BBS9: variants seen among roughly 807,000 people sequenced by gnomAD.
BBS9 encodes the protein Bardet-Biedl syndrome 9.
A neutral mutation model predicts 117.7 loss-of-function variants in BBS9; 89 were observed. That is an observed-to-expected ratio of 0.76 (90% CI 0.64 to 0.90). BBS9 has a LOEUF of 0.90. Ranked by LOEUF, BBS9 falls within the 40% of genes least tolerant of loss-of-function variation. The pLI, the probability that BBS9 is intolerant of heterozygous loss-of-function variation, is 0.00. For synonymous variants in BBS9, 379 were observed against 370.9 expected (o/e 1.02, Z -0.25); for missense variants, 982 against 1,042.2 (o/e 0.94, Z 0.80).
Position 33,631,579 on chromosome 7 carries a change from C to T in BBS9, c.2522-3598C>T, listed in dbSNP as rs188777783. The stretch of plus-strand genomic sequence containing the variant: ...TTCGAGGCTTGGTTTGCTGAGCATG[C>T]ATGGACGCAACTTGGCCATCTGAAT... On this transcript the variant is annotated intron_variant, in intron 21 of 21. Transcript: ENST00000671952. Among the ~76,000 whole-genome samples, 107 of 152,322 alleles carry T rather than the reference C, an allele frequency of 7.0e-4. 1 individual carries two copies. Among genetic ancestry groups the T allele is most frequent in the African/African-American group, 2.5e-3 (103 of 41,568 alleles).
chr7:33,132,626 T>C (rs1329926548), intron 1 of BBS9, among the ~76,000 whole-genome samples: 1 of 152,234 alleles, frequency 6.6e-6, no homozygotes, highest in East Asian at 1.9e-4. Context: ...AAAACACTTT[T>C]TGTTTATTTT....
chr7:33,142,187 C>T (rs1791584864), intron 1 of BBS9, among the ~76,000 whole-genome samples: 1 of 152,134 alleles, frequency 6.6e-6, no homozygotes, highest in Admixed American at 6.6e-5. Context: ...TCCCAAAGTG[C>T]TGGGATTACA....
chr7:33,206,256 T>G lies in BBS9; in HGVS notation c.442+28665T>G, dbSNP rs77161450. Among the ~76,000 whole-genome samples the G allele has an allele frequency of 5.4e-4, 82 of 152,268 alleles. No homozygotes were observed. The East Asian group carries it at 0.013, about 25-fold the overall frequency. On this transcript the variant is annotated intron_variant, in intron 5 of 22. Coordinates refer to ENST00000242067, the MANE Select transcript of BBS9 (RefSeq NM_198428.3). Reference sequence around the variant, plus strand: ...TAAAGCAAGGGGTTACTTATAGAAGTGTGGGAATGGTTAAGAGAAGAAACT... The same window carrying G: ...TAAAGCAAGGGGTTACTTATAGAAGGGTGGGAATGGTTAAGAGAAGAAACT...
intron 21 of BBS9, among the ~76,000 whole-genome samples, chr7:33,548,598 T>C (rs1585213396): frequency 6.7e-6 from 1 of 149,372 alleles, no homozygotes; most frequent in African/African-American, 2.5e-5. Context: ...ATATGCGGTG[T>C]TTGGTTTTTT....
chr7:33,576,574 A>T (rs1858916273), intron 21 of BBS9, among the ~76,000 whole-genome samples: 2 of 152,166 alleles, frequency 1.3e-5, no homozygotes, highest in South Asian at 4.2e-4. Context: ...TTCATATGGA[A>T]CCAAAAAAGA....
intron 19 of BBS9, among the ~76,000 whole-genome samples, chr7:33,484,917 G>A (rs996272909): frequency 6.6e-6 from 1 of 152,142 alleles, no homozygotes; most frequent in African/African-American, 2.4e-5. Context: ...TGATAGCATG[G>A]ATAAATAAAA....
chr7:33,480,050 T>C (rs1390517172), intron 19 of BBS9, among the ~76,000 whole-genome samples: 1 of 152,182 alleles, frequency 6.6e-6, no homozygotes, highest in Non-Finnish European at 1.5e-5. Flanking sequence ...TGTTGACTTT[T>C]TGCCTAATAC....
chr7:33,471,014 A>C (rs1305815385), intron 19 of BBS9, among the ~76,000 whole-genome samples: 1 of 152,206 alleles, frequency 6.6e-6, no homozygotes. Flanking sequence ...CGGATTATTC[A>C]TTAACCAGTC....
chr7:33,542,790 TAC>T (rs368494839), intron 21 of BBS9, among the ~76,000 whole-genome samples: 18,676 of 133,566 alleles, frequency 0.14, 1,406 homozygotes, highest in Middle Eastern at 0.22. Flanking sequence ...TATATATATG[TAC>T]ACACACACAC....
intron 21 of BBS9, among the ~76,000 whole-genome samples, chr7:33,634,771 A>G (rs560728257): frequency 2.6e-5 from 4 of 152,346 alleles, no homozygotes; most frequent in Non-Finnish European, 5.9e-5. Flanking sequence ...CATGAATAAA[A>G]GCTGGAATAA....
At chr7:33,132,210 T>A (rs1253875625) in intron 1 of BBS9, among the ~76,000 whole-genome samples, 1 of 152,194 alleles carries the variant, frequency 6.6e-6, no homozygotes. Context: ...GCATAGGCCG[T>A]TTGTTTAGGG....
At chr7:33,159,762 G>A (rs1241877612) in intron 4 of BBS9, among the ~76,000 whole-genome samples, 1 of 152,156 alleles carries the variant, frequency 6.6e-6, no homozygotes, top group Non-Finnish European at 1.5e-5. Context: ...AGATCATGTG[G>A]CACTCTAGAG....
chr7:33,595,272 A>C lies in BBS9; in HGVS notation c.2522-9593A>C, dbSNP rs111646310. Among the ~76,000 whole-genome samples the C allele has an allele frequency of 1.9e-3, 292 of 152,316 alleles. 2 individuals carry two copies. Among genetic ancestry groups the C allele is most frequent in the Middle Eastern group, 0.01 (3 of 292 alleles). Reference sequence around the variant, plus strand: ...AGTAACAGGCAATGTACAGAATAGGAGAAAATTTTTGCAATCTACCCATCT... The same window carrying C: ...AGTAACAGGCAATGTACAGAATAGGCGAAAATTTTTGCAATCTACCCATCT... On this transcript the variant is annotated intron_variant, in intron 21 of 22. Transcript: ENST00000242067.
intron 21 of BBS9, among the ~76,000 whole-genome samples, chr7:33,613,730 A>G (rs1037861664): frequency 6.6e-6 from 1 of 152,078 alleles, no homozygotes; most frequent in African/African-American, 2.4e-5. Flanking sequence ...GGATCAGAGT[A>G]TATAGTATTC....
chr7:33,435,643 T>C (rs1174222904), intron 19 of BBS9, among the ~76,000 whole-genome samples: 1 of 152,290 alleles, frequency 6.6e-6, no homozygotes, highest in African/African-American at 2.4e-5. Context: ...AGTATGTGGG[T>C]TGGCAATATC....
At chr7:33,273,668 A>G (rs1443056548) in intron 8 of BBS9, among the ~76,000 whole-genome samples, 159 bp from the exon 9 acceptor site, 1 of 152,144 alleles carries the variant, frequency 6.6e-6, no homozygotes, top group Admixed American at 6.6e-5. Flanking sequence ...TTTCTTTTTT[A>G]TACTGGTAAA....
intron 15 of BBS9, among the ~76,000 whole-genome samples, chr7:33,356,389 A>G (rs1819619202): frequency 6.6e-6 from 1 of 151,782 alleles, no homozygotes; most frequent in African/African-American, 2.4e-5. Flanking sequence ...CATCATTGTA[A>G]AGTACAAATA....
intron 5 of BBS9, among the ~76,000 whole-genome samples, chr7:33,251,473 G>T (rs1263751393): frequency 6.6e-6 from 1 of 152,192 alleles, no homozygotes; most frequent in Admixed American, 6.5e-5. Flanking sequence ...GAGGAGAGGG[G>T]AATGGATAAC....
At chr7:33,342,707 G>A (rs1334430995) in intron 11 of BBS9, among the ~76,000 whole-genome samples, 2 of 152,092 alleles carry the variant, frequency 1.3e-5, no homozygotes, top group East Asian at 3.9e-4. Flanking sequence ...TTGGTGCCAT[G>A]ACGTCTTCTT....
Sources: gnomAD v4.1 joint callset for allele counts (sites outside exome capture counted in the v4.1 genomes callset) on GRCh38, gnomAD v4.1.1 for gene constraint, MANE v1.5 for transcripts, NCBI Gene and HGNC (gene_info 2026-07-23, HGNC 2026-07-21) for gene names.